Variants in MAP4 observed in about 807,000 individuals in gnomAD.
MAP4 encodes microtubule associated protein 4.
Under a neutral mutation model 170.2 loss-of-function variants are expected in MAP4, and 76 were observed. The observed-to-expected ratio is 0.45, with a 90% CI of 0.37 to 0.54. The LOEUF is 0.54. MAP4 is among the 20% of genes least tolerant of loss of function. The probability of loss-of-function intolerance (pLI) is 0.00; values close to 1 mark genes in which losing one functional copy is unlikely to be tolerated. For synonymous variants in MAP4, 909 were observed against 994.5 expected (o/e 0.91, Z 1.62); for missense variants, 2,506 against 2,748.0 (o/e 0.91, Z 1.97).
chr3:47,940,068 C>A (rs569489669), intron 3 of MAP4, among the ~76,000 whole-genome samples: 8 of 152,174 alleles, frequency 5.3e-5, no homozygotes, highest in African/African-American at 1.9e-4. Flanking sequence ...AAACTCCTGA[C>A]CTCAGGTGAG....
rs2091809905 is a variant in MAP4, at chr3:47,871,040, T to G, written c.6067A>C (p.Thr2023Pro). The stretch of plus-strand genomic sequence containing the variant: ...GGAACCACCCCTGCAGCGGGGGCTG[T>G]CCCACTGAGAGTGGTGGTTTTCTTC... ...SMKKTTTLSG[T>P]APAAGVVPSR... The change falls in exon 15 of 21, where the codon ACA becomes CCA. Residue 2023 changes from threonine (T) to proline (P), a missense_variant. Around this residue, in one of 3 missense-constraint regions of MAP4, gnomAD observed 487 missense variants for 511.6 expected, o/e 0.95. Coordinates refer to ENST00000683076, the MANE Select transcript of MAP4 (RefSeq NM_001385682.1). 6.2e-7 allele frequency: 1 copy of G among 1,613,516 alleles called. No individual in the cohort carries two copies. The highest frequency in any genetic ancestry group is 8.5e-7 in the Non-Finnish European group (1 of 1,179,668).
rs549008380 is a variant in MAP4 at position 47,870,457 on chromosome 3, C to T, written c.6294+356G>A. Among the ~76,000 whole-genome samples, 5 of 152,268 alleles carry T rather than the reference C, an allele frequency of 3.3e-5. No individual in the cohort carries two copies. The South Asian group carries it at 8.3e-4, about 25-fold the overall frequency. On this transcript the variant is annotated intron_variant, in intron 15 of 20. Coordinates refer to ENST00000683076, the MANE Select transcript of MAP4 (RefSeq NM_001385682.1). The stretch of plus-strand genomic sequence containing the variant: ...GACATTCTCTGTGCAGGCTAAGAAC[C>T]ATGAAAAACTAGGCTCATGTCAAGT...
intron 1 of MAP4, among the ~76,000 whole-genome samples, chr3:48,061,530 C>T (rs2100135278): frequency 6.6e-6 from 1 of 152,210 alleles, no homozygotes; most frequent in African/African-American, 2.4e-5. Flanking sequence ...GTGGCGTGAT[C>T]TCAGCTAGCT....
rs1303508580 is a variant in MAP4, at chr3:47,916,141, C to A, written c.1686G>T (p.Gly562=). 6 of 1,614,150 alleles carry A rather than the reference C, an allele frequency of 3.7e-6. No homozygotes were observed. Among genetic ancestry groups the A allele is most frequent in the Non-Finnish European group, 5.1e-6 (6 of 1,180,030 alleles). Residue 562 remains glycine, a synonymous_variant, in exon 7 of 21, where the codon GGG becomes GGT. Transcript: ENST00000683076. Reference sequence around the variant, plus strand: ...TCACATTGTTGGCCAGGGTCAGAACCCCATCCTTAGCCAGGGGTGCTTCTG... The same window carrying A: ...TCACATTGTTGGCCAGGGTCAGAACACCATCCTTAGCCAGGGGTGCTTCTG... The part of the protein sequence containing the change: ...LKTEAPLAKD[G]VLTLANNVTP...
chr3:48,075,463 G>A (rs933953371), intron 1 of MAP4, among the ~76,000 whole-genome samples: 2 of 151,790 alleles, frequency 1.3e-5, no homozygotes, highest in Non-Finnish European at 2.9e-5. Context: ...AGGCAGAGAG[G>A]TTACAGTGAG....
intron 19 of MAP4, 44 bp from the exon 20 acceptor site, chr3:47,853,396 G>T (rs551559219): frequency 3.8e-5 from 51 of 1,351,594 alleles, no homozygotes; most frequent in Non-Finnish European, 4.7e-5. Flanking sequence ...TCAGTCGAGG[G>T]GGGGAGTGGG....
chr3:47,967,993 G>A (rs1024290482), intron 3 of MAP4, among the ~76,000 whole-genome samples: 1 of 152,214 alleles, frequency 6.6e-6, no homozygotes, highest in Non-Finnish European at 1.5e-5. Context: ...ACCAGCGACC[G>A]ACATTTCAAC....
At chr3:48,057,586 A>G (rs1311098591) in intron 1 of MAP4, among the ~76,000 whole-genome samples, 13 of 140,822 alleles carry the variant, frequency 9.2e-5, no homozygotes, top group Admixed American at 1.5e-4. Flanking sequence ...CCTCTGTGAG[A>G]AACACCCAAG....
chr3:47,959,330 C>T (rs1280020075), intron 3 of MAP4, among the ~76,000 whole-genome samples: 4 of 151,984 alleles, frequency 2.6e-5, no homozygotes, highest in Non-Finnish European at 5.9e-5. Context: ...TGGTAGCACA[C>T]ACCTGTGGTC....
At chr3:47,967,782 C>G (rs1270877074) in intron 3 of MAP4, among the ~76,000 whole-genome samples, 1 of 152,162 alleles carries the variant, frequency 6.6e-6, no homozygotes, top group Non-Finnish European at 1.5e-5. Flanking sequence ...TGCAAAAAAG[C>G]AAGACCCTGT....
chr3:48,043,786 C>T (rs532606078), intron 1 of MAP4, among the ~76,000 whole-genome samples: 6 of 152,150 alleles, frequency 3.9e-5, no homozygotes, highest in African/African-American at 4.8e-5. Flanking sequence ...TAAGAATGCA[C>T]GCTGAAACCA....
At chr3:47,948,516 C>A (rs747999048) in intron 3 of MAP4, among the ~76,000 whole-genome samples, 1 of 151,856 alleles carries the variant, frequency 6.6e-6, no homozygotes, top group Non-Finnish European at 1.5e-5. Context: ...TGAGTCACCA[C>A]GCCCAACCCA....
At chr3:48,028,030 G>A (rs1171478893) in intron 1 of MAP4, among the ~76,000 whole-genome samples, 7 of 152,094 alleles carry the variant, frequency 4.6e-5, no homozygotes, top group Admixed American at 3.3e-4. Context: ...TGTGGCTCAC[G>A]CCTGTAATCC....
chr3:47,853,397 G>C (rs766991401), intron 19 of MAP4, 45 bp from the exon 20 acceptor site: 1 of 1,345,862 alleles, frequency 7.4e-7, no homozygotes. Context: ...CAGTCGAGGG[G>C]GGGAGTGGGA....
chr3:48,073,542 C>T (rs538278390), intron 1 of MAP4, among the ~76,000 whole-genome samples: 40 of 150,160 alleles, frequency 2.7e-4, no homozygotes, highest in Admixed American at 5.4e-4. Flanking sequence ...ACCCAGGAGG[C>T]GGAGGTTGCG....
intron 1 of MAP4, among the ~76,000 whole-genome samples, chr3:48,079,574 G>A (rs1029015913): frequency 6.6e-6 from 1 of 151,778 alleles, no homozygotes; most frequent in African/African-American, 2.4e-5. Flanking sequence ...AGGATCGCCT[G>A]AACCCAGGAG....
rs1001365283 is a variant in MAP4, at chr3:47,911,362, G to C, written c.3059C>G (p.Ala1020Gly). 35 of 1,535,854 alleles carry C rather than the reference G, an allele frequency of 2.3e-5. No individual in the cohort carries two copies. The highest frequency in any genetic ancestry group is 2.6e-5 in the Non-Finnish European group (30 of 1,146,874). Reference protein sequence around the residue: ...AEEDKELKKEAFPNERQEISI... With the variant: ...AEEDKELKKEGFPNERQEISI... ...GATCTCTTGTCTTTCGTTGGGAAAAGCTTCCTTTTTTAGTTCTTTATCCTC... is the reference window on the plus strand; with the variant it reads ...GATCTCTTGTCTTTCGTTGGGAAAACCTTCCTTTTTTAGTTCTTTATCCTC... The change falls in exon 9 of 21, where the codon GCT becomes GGT. Residue 1020 changes from alanine to glycine, a missense_variant. Ala to Gly is a moderately conservative substitution (Grantham distance 60, BLOSUM62 0). This residue lies in a region of MAP4 where 2,008 missense variants were observed against 2,206.0 expected (regional missense o/e 0.91). Coordinates refer to ENST00000683076, the MANE Select transcript of MAP4 (RefSeq NM_001385682.1). This position sits in a 1 kb window ranked among gnomAD's most constrained non-coding sequence, Gnocchi z 4.0.
intron 3 of MAP4, among the ~76,000 whole-genome samples, chr3:47,958,466 A>G (rs1013831933): frequency 3.9e-5 from 6 of 152,124 alleles, no homozygotes; most frequent in African/African-American, 1.4e-4. Flanking sequence ...TGTATATTCT[A>G]ACCATTTTCT....
intron 1 of MAP4, among the ~76,000 whole-genome samples, chr3:48,084,112 A>G (rs903749544): frequency 1.3e-5 from 2 of 151,230 alleles, no homozygotes; most frequent in African/African-American, 4.9e-5. Flanking sequence ...CAGGAGGCTG[A>G]GGCAGGAGAA....
Sources: allele counts gnomAD v4.1 joint callset (sites outside exome capture counted in the v4.1 genomes callset), GRCh38; gene constraint gnomAD v4.1.1; regional missense constraint gnomAD v4.1.1; non-coding constraint Gnocchi (gnomAD v3.1); transcripts MANE v1.5; gene names NCBI Gene and HGNC (gene_info 2026-07-23, HGNC 2026-07-21).